The following AUTS2 variants were observed in gnomAD, a reference collection of about 807,000 sequenced individuals.
AUTS2 encodes the protein activator of transcription and developmental regulator AUTS2.
Under a neutral mutation model 112.4 loss-of-function variants are expected in AUTS2, and 17 were observed. The observed-to-expected ratio is 0.15, with a 90% CI of 0.10 to 0.23. The LOEUF (loss-of-function observed/expected upper bound fraction) is 0.23. AUTS2 is among the 10% of genes least tolerant of loss of function. The probability of loss-of-function intolerance (pLI) is 1.00; values close to 1 mark genes in which losing one functional copy is unlikely to be tolerated. For synonymous variants in AUTS2, 751 were observed against 702.7 expected, an observed-to-expected ratio of 1.07 and a Z score of -1.09; for missense variants, 1,510 against 1,701.6, an observed-to-expected ratio of 0.89 and a Z score of 1.98.
chr7:70,691,941 C>T (rs1443284501), intron 5 of AUTS2, among the ~76,000 whole-genome samples: 2 of 144,470 alleles, frequency 1.4e-5, no homozygotes, highest in Non-Finnish European at 1.5e-5. Context: ...AGTGGCATGG[C>T]GTGATCTCGG....
At chr7:70,545,248 A>G (rs1450789802) in intron 5 of AUTS2, among the ~76,000 whole-genome samples, 1 of 152,212 alleles carries the variant, frequency 6.6e-6, no homozygotes, top group Non-Finnish European at 1.5e-5. Context: ...GCACAGGTCA[A>G]AGGGAAAGCC....
At chr7:69,876,376 A>ATATATG (rs1793776932) in intron 1 of AUTS2, among the ~76,000 whole-genome samples, 1 of 114,484 alleles carries the variant, frequency 8.7e-6, no homozygotes, top group Non-Finnish European at 1.8e-5. Context: ...ATATATATAT[A>ATATATG]TATATATGTA....
chr7:69,689,087 G>A (rs1218166313), intron 1 of AUTS2, among the ~76,000 whole-genome samples: 1 of 152,130 alleles, frequency 6.6e-6, no homozygotes, highest in African/African-American at 2.4e-5. Context: ...AATGAAAAGG[G>A]CATTGTGGAT....
At chr7:69,867,834 C>T (rs1050000322) in intron 1 of AUTS2, among the ~76,000 whole-genome samples, 10 of 152,054 alleles carry the variant, frequency 6.6e-5, no homozygotes, top group East Asian at 1.9e-4. Flanking sequence ...TTGAAATAGG[C>T]GCAGTGCCAG....
chr7:69,986,924 A>G (rs767220084), intron 2 of AUTS2, among the ~76,000 whole-genome samples: 1 of 152,150 alleles, frequency 6.6e-6, no homozygotes, highest in Non-Finnish European at 1.5e-5. Context: ...TTAATGAGTT[A>G]TATCTTGGGG....
chr7:70,776,834 G>A, intron 13 of AUTS2: 1 of 487,398 alleles, frequency 2.1e-6, no homozygotes, highest in South Asian at 2.3e-5. Flanking sequence ...TCAGGCTTTT[G>A]CCGTCTTGTC....
At chr7:69,865,836 A>G (rs1197786623) in intron 1 of AUTS2, among the ~76,000 whole-genome samples, 1 of 152,108 alleles carries the variant, frequency 6.6e-6, no homozygotes, top group Non-Finnish European at 1.5e-5. Context: ...CTTCATATCC[A>G]TATCTCTCTT....
At chr7:70,770,397 C>G (rs918171377) in intron 10 of AUTS2, among the ~76,000 whole-genome samples, 15 of 152,216 alleles carry the variant, frequency 9.9e-5, no homozygotes, top group Admixed American at 4.6e-4. Context: ...CCAAAAATAA[C>G]TAACACAAAT....
intron 4 of AUTS2, among the ~76,000 whole-genome samples, chr7:70,296,186 T>A (rs144840987): frequency 2.0e-5 from 3 of 152,326 alleles, no homozygotes; most frequent in Admixed American, 6.5e-5. Context: ...CTGTCTTAGT[T>A]GTTGTAAGAG....
chr7:70,766,454 G>T lies in AUTS2; in HGVS notation c.1689+120G>T. On this transcript the variant is annotated intron_variant, in intron 9 of 18. Coordinates refer to ENST00000342771, the MANE Select transcript of AUTS2 (RefSeq NM_015570.4). The surrounding 1 kb of genome is among the most constrained non-coding windows in gnomAD (Gnocchi z 4.8). The stretch of plus-strand genomic sequence containing the variant: ...GATCGAATGGGGACTGACGGCTGTT[G>T]GCTGGAGAGAAGGGAATGTGTCCTA... The T allele has an allele frequency of 1.5e-6, 2 of 1,307,892 alleles. No homozygotes were observed. The highest frequency in any genetic ancestry group is 1.3e-5 in the South Asian group (1 of 75,902). 81.0% of individuals were successfully genotyped at this position (1,307,892 alleles called of 1,614,324 possible).
chr7:70,149,994 T>C (rs1193138968), intron 4 of AUTS2, among the ~76,000 whole-genome samples: 2 of 152,068 alleles, frequency 1.3e-5, no homozygotes, highest in Non-Finnish European at 2.9e-5. Flanking sequence ...AGAGTTAAAA[T>C]GTTTACTCAT....
intron 4 of AUTS2, among the ~76,000 whole-genome samples, chr7:70,421,133 AG>A (rs1428606299): frequency 6.6e-6 from 1 of 152,254 alleles, no homozygotes; most frequent in East Asian, 1.9e-4. Context: ...AAATTAAAAA[AG>A]AAAAAGGCAT....
At chr7:70,753,026 G>T (rs1788966337) in intron 6 of AUTS2, among the ~76,000 whole-genome samples, 1 of 152,166 alleles carries the variant, frequency 6.6e-6, no homozygotes, top group South Asian at 2.1e-4. Context: ...ATGTGCATCA[G>T]GATTGATGTG....
chr7:69,743,133 T>C (rs1033030247), intron 1 of AUTS2, among the ~76,000 whole-genome samples: 3 of 152,194 alleles, frequency 2.0e-5, no homozygotes, highest in East Asian at 1.9e-4. Flanking sequence ...TTGTTTGCTC[T>C]GGTTTTTCTT....
In AUTS2 at chr7:70,763,116, C is replaced by G. The variant is rs754050407; in HGVS notation, c.989C>G (p.Ala330Gly). 4.8e-5 allele frequency: 78 copies of G among 1,613,884 alleles called. 1 individual carries two copies. The highest frequency in any genetic ancestry group is 3.3e-4 in the Middle Eastern group (2 of 6,084). Residue 330 changes from alanine to glycine, a missense_variant, in exon 7 of 19, where the codon GCC (alanine) becomes GGC (glycine). Physicochemically the swap from Ala to Gly is moderately conservative, Grantham distance 60 (BLOSUM62 0). Transcript: ENST00000342771. The stretch of plus-strand genomic sequence containing the variant: ...CCTGACTTGGTGCAGCGCACAGAGG[C>G]CCCACCTCAACCCCCACCTCTGAGT... ...PDPDLVQRTE[A>G]PPQPPPLSTQ...
At chr7:70,707,612 C>G (rs1328892801) in intron 6 of AUTS2, among the ~76,000 whole-genome samples, 1 of 152,108 alleles carries the variant, frequency 6.6e-6, no homozygotes, top group East Asian at 1.9e-4. Flanking sequence ...CCTCCCATAC[C>G]TTCCCAAAGT....
intron 4 of AUTS2, among the ~76,000 whole-genome samples, chr7:70,371,513 G>A (rs556427237): frequency 3.9e-5 from 6 of 152,320 alleles, no homozygotes; most frequent in South Asian, 4.1e-4. Context: ...AAAACCTAGC[G>A]TGTGGTTCAT....
chr7:69,611,915 C>T (rs1021286439), intron 1 of AUTS2, among the ~76,000 whole-genome samples: 5 of 113,794 alleles, frequency 4.4e-5, no homozygotes, highest in African/African-American at 7.1e-5. Flanking sequence ...CCGGCCTGGG[C>T]GACAGAGCGA....
At chr7:69,674,161 C>A (rs73164795) in intron 1 of AUTS2, among the ~76,000 whole-genome samples, 11,583 of 152,246 alleles carry the variant, frequency 0.076, 592 homozygotes, top group African/African-American at 0.14. Flanking sequence ...CATTTTGTCT[C>A]CCTGACCATT....
Sources: gnomAD v4.1 joint callset for allele counts (sites outside exome capture counted in the v4.1 genomes callset) on GRCh38, gnomAD v4.1.1 for gene constraint, Gnocchi (gnomAD v3.1) non-coding constraint, MANE v1.5 for transcripts, NCBI Gene and HGNC (gene_info 2026-07-23, HGNC 2026-07-21) for gene names.